PKD1: variants seen among roughly 807,000 people sequenced by gnomAD.
PKD1 encodes the protein polycystin 1, transient receptor potential channel interacting, also known as polycystin-1.
Under a neutral mutation model 361.7 loss-of-function variants are expected in PKD1, and 81 were observed. That is an observed-to-expected ratio of 0.22 (90% CI 0.19 to 0.27). The LOEUF is 0.27. PKD1 is among the 10% of genes least tolerant of loss of function. The pLI is 1.00. For synonymous variants in PKD1, 3,615 were observed against 2,818.3 expected (o/e 1.28, Z -8.95); for missense variants, 6,399 against 6,118.3 (o/e 1.05, Z -1.53).
chr16:2,094,428 G>A (rs972645356), intron 34 of PKD1, among the ~76,000 whole-genome samples: 1 of 152,174 alleles, frequency 6.6e-6, no homozygotes, highest in Non-Finnish European at 1.5e-5. Flanking sequence ...GTCCGCCTGC[G>A]TCCCTCTCCC....
Position 2,089,477 on chromosome 16 carries a change from C to T in PKD1, c.*250G>A, listed in dbSNP as rs905132047. Reference sequence around the variant, plus strand: ...AGGACTCGGGGAAATAAATTAGCATCTCAGAGGCTAGAAACCGTCCAATAC... The same window carrying T: ...AGGACTCGGGGAAATAAATTAGCATTTCAGAGGCTAGAAACCGTCCAATAC... On this transcript the variant is annotated 3_prime_UTR_variant, in exon 46 of 46. Transcript: ENST00000262304. 14 of 563,898 alleles carry T rather than the reference C, an allele frequency of 2.5e-5. No homozygotes were observed. The highest frequency in any genetic ancestry group is 5.9e-5 in the East Asian group (2 of 34,064). The allele number at this position is 563,898 out of a possible 1,614,324, so 34.9% of individuals were successfully genotyped here.
intron 11 of PKD1, 83 bp downstream of exon 11, chr16:2,114,087 A>G (rs977664413): frequency 1.7e-6 from 2 of 1,158,708 alleles, no homozygotes; most frequent in Non-Finnish European, 2.5e-6. Flanking sequence ...CCTCACTGGG[A>G]AGCCAGGCCT....
In PKD1 at chr16:2,088,741, T is replaced by G. The variant is rs970202456; in HGVS notation, c.*986A>C. ...AGACAGCTCTTTTATTGACTTTGTC[T>G]GCTTGGTGCGGGGGTTGGGGGGGTG... On this transcript the variant is annotated 3_prime_UTR_variant, in exon 46 of 46. Coordinates refer to ENST00000262304, the MANE Select transcript of PKD1 (RefSeq NM_001009944.3). 30 of 1,304,532 alleles carry G rather than the reference T, an allele frequency of 2.3e-5. No individual in the cohort carries two copies. The African/African-American group carries it at 4.3e-4, about 19-fold the overall frequency. 80.8% of individuals were successfully genotyped at this position (1,304,532 alleles called of 1,614,324 possible). A position where few individuals can be genotyped will look rare whatever the true frequency, so the allele number is the denominator to read the frequency against.
Position 2,115,511 on chromosome 16 carries a change from G to A in PKD1, c.1964C>T (p.Pro655Leu), listed in dbSNP as rs758548334. 1.3e-4 allele frequency: 207 copies of A among 1,599,100 alleles called. No homozygotes were observed. Among genetic ancestry groups the A allele is most frequent in the Non-Finnish European group, 1.6e-4 (193 of 1,173,708 alleles). Reference protein sequence around the residue: ...RWCPGANICLPLDASCHPQAC... With the variant: ...RWCPGANICLLLDASCHPQAC... ...CTGGGGGTGGCAGGAGGCGTCCAGCGGCAAGCAGATGTTGGCTCCAGGGCA... is the reference window on the plus strand; with the variant it reads ...CTGGGGGTGGCAGGAGGCGTCCAGCAGCAAGCAGATGTTGGCTCCAGGGCA... The change falls in exon 10 of 46, where the codon CCG (proline) becomes CTG (leucine). Residue 655 changes from proline (P) to leucine (L), a missense_variant. Physicochemically the swap from Pro to Leu is moderately conservative, Grantham distance 98. Transcript: ENST00000262304.
Position 2,092,465 on chromosome 16 carries a change from G to T in PKD1, c.11269+15C>A. On this transcript the variant is annotated intron_variant, in intron 39 of 45. Transcript: ENST00000262304. ...AGGAACGATTTAAGTCTTGGGGCAC[G>T]CCCTGCCAGCTCACCTTCCTGCAGC... 1.3e-6 allele frequency: 2 copies of T among 1,530,648 alleles called. No homozygotes were observed. Among genetic ancestry groups the T allele is most frequent in the Non-Finnish European group, 1.8e-6 (2 of 1,106,934 alleles). The allele number at this position is 1,530,648 out of a possible 1,614,324, so 94.8% of individuals were successfully genotyped here.
chr16:2,122,278 C>T (rs1432305014), intron 1 of PKD1, among the ~76,000 whole-genome samples: 2 of 152,216 alleles, frequency 1.3e-5, no homozygotes, highest in Non-Finnish European at 2.9e-5. Flanking sequence ...ATGGAGGGCA[C>T]GGTTGGGGGT....
In PKD1 at chr16:2,119,124, A is replaced by T; in HGVS notation, c.349T>A (p.Leu117Ile). Residue 117 changes from leucine to isoleucine, a missense_variant, in exon 3 of 46, where the codon TTA becomes ATA. Transcript: ENST00000262304. The stretch of plus-strand genomic sequence containing the variant: ...AGAACCACAACTTACATTTCACTTA[A>T]ATTAAATAAATTAGCAAATATTCCT... ...EEGIFANLFN[L>I]SEINLSGNPF... 1 of 1,242,612 alleles carries T rather than the reference A, an allele frequency of 8.0e-7. No homozygotes were observed. Among genetic ancestry groups the T allele is most frequent in the Middle Eastern group, 2.7e-4 (1 of 3,766 alleles). 77.0% of individuals were successfully genotyped at this position (1,242,612 alleles called of 1,614,324 possible). A position where few individuals can be genotyped will look rare whatever the true frequency, so the allele number is the denominator to read the frequency against.
chr16:2,091,610 T>C lies in PKD1; in HGVS notation c.11538-13A>G. On this transcript the variant is annotated splice_polypyrimidine_tract_variant and intron_variant, in intron 41 of 45. Coordinates refer to ENST00000262304, the MANE Select transcript of PKD1 (RefSeq NM_001009944.3). Reference sequence around the variant, plus strand: ...CACAGCGCGGCTCCTGCGCAGAGGGTGCGGGTCAGTAGGAGCGGGTGGCAG... The same window carrying C: ...CACAGCGCGGCTCCTGCGCAGAGGGCGCGGGTCAGTAGGAGCGGGTGGCAG... 1 of 1,560,498 alleles carries C rather than the reference T, an allele frequency of 6.4e-7. No individual in the cohort carries two copies. The highest frequency in any genetic ancestry group is 8.6e-7 in the Non-Finnish European group (1 of 1,161,400).
chr16:2,124,349 C>T (rs1245425721), intron 1 of PKD1, among the ~76,000 whole-genome samples: 1 of 152,222 alleles, frequency 6.6e-6, no homozygotes, highest in Non-Finnish European at 1.5e-5. Flanking sequence ...CAGGGGTGTT[C>T]CCAGCCAGGC....
Position 2,109,342 on chromosome 16 carries a change from C to G in PKD1, c.5825G>C (p.Arg1942Pro), listed in dbSNP as rs756147178. 1.9e-6 allele frequency: 3 copies of G among 1,590,804 alleles called. No individual in the cohort carries two copies. In the East Asian group the frequency reaches 6.7e-5, roughly 36 times the overall value. The change falls in exon 15 of 46, where the codon CGC becomes CCC. Residue 1942 changes from arginine (R) to proline (P), a missense_variant. By Grantham distance (103) the Arg-to-Pro change is moderately radical. Coordinates refer to ENST00000262304, the MANE Select transcript of PKD1 (RefSeq NM_001009944.3). ...PGPRFSHSFP[R>P]VGDHVVSVRG... ...CACGCTCACCACGTGGTCTCCGACG[C>G]GGGGGAAGCTGTGGGAGAAACGGGG...
intron 16 of PKD1, chr16:2,107,654 G>A (rs1284804680): frequency 8.1e-6 from 5 of 618,268 alleles, no homozygotes; most frequent in Middle Eastern, 4.3e-4. Context: ...CTAGGGGACT[G>A]TGTAGCTTTT....
At position 2,106,298 on chromosome 16, in the gene PKD1, T is replaced by C. The variant is rs777088612; in HGVS notation, c.7496A>G (p.His2499Arg). ...TKVHFECTGW[H>R]DAEDAGAPLV... ...CGGGGCGCCAGCATCCTCCGCGTCATGCCAGCCTGAGGGACGGTCCCCACG... is the reference window on the plus strand; with the variant it reads ...CGGGGCGCCAGCATCCTCCGCGTCACGCCAGCCTGAGGGACGGTCCCCACG... The change falls in exon 19 of 46, where the codon CAT becomes CGT. Residue 2499 changes from histidine (H) to arginine (R), a missense_variant. Transcript: ENST00000262304. This position sits in a 1 kb window ranked among gnomAD's most constrained non-coding sequence, Gnocchi z 6.5. The C allele has an allele frequency of 3.7e-6, 6 of 1,609,670 alleles. No homozygotes were observed. The African/African-American group carries it at 6.7e-5, about 18-fold the overall frequency.
intron 1 of PKD1, among the ~76,000 whole-genome samples, chr16:2,132,459 C>T (rs1047545680): frequency 2.0e-5 from 3 of 149,582 alleles, no homozygotes; most frequent in Admixed American, 1.3e-4. Context: ...ACCCAGCTAC[C>T]AGGTACTCGG....
intron 34 of PKD1, 34 bp from the exon 35 acceptor site, chr16:2,094,244 G>A (rs1296951312): frequency 1.5e-6 from 2 of 1,345,654 alleles, no homozygotes; most frequent in Non-Finnish European, 2.1e-6. Context: ...ATTCATCCCG[G>A]CCTCCAGGAG....
At chr16:2,112,644 G>A (rs895708078) in intron 13 of PKD1, 144 bp downstream of exon 13, 13 of 1,078,964 alleles carry the variant, frequency 1.2e-5, no homozygotes, top group South Asian at 2.7e-5. Flanking sequence ...CAGCCTCAGG[G>A]CTCCTGTGCA....
At chr16:2,125,550 G>T (rs1422546502) in intron 1 of PKD1, among the ~76,000 whole-genome samples, 1 of 152,228 alleles carries the variant, frequency 6.6e-6, no homozygotes, top group African/African-American at 2.4e-5. Flanking sequence ...CACAGGGATG[G>T]AGACTCCGGC....
In PKD1 at chr16:2,106,970, C is replaced by T; in HGVS notation, c.7066-22G>A. 1.3e-6 allele frequency: 2 copies of T among 1,581,018 alleles called. No homozygotes were observed. The highest frequency in any genetic ancestry group is 1.4e-5 in the African/African-American group (1 of 73,014). ...GCACCTGGCGTGGGAGTGGGGTTAC[C>T]TCCAACACAGGTCTATTTGGCCTGC... On this transcript the variant is annotated intron_variant, in intron 16 of 45. Coordinates refer to ENST00000262304, the MANE Select transcript of PKD1 (RefSeq NM_001009944.3). This position sits in a 1 kb window ranked among gnomAD's most constrained non-coding sequence, Gnocchi z 6.5.
chr16:2,094,025 G>A lies in PKD1; in HGVS notation c.10619-12C>T, dbSNP rs750912142. The A allele has an allele frequency of 4.4e-6, 7 of 1,591,440 alleles. No homozygotes were observed. The highest frequency in any genetic ancestry group is 6.0e-6 in the Non-Finnish European group (7 of 1,169,838). ...ACCCTCCACCAGTCCTGGGGAAGCA[G>A]AGACAGACCTGTGAGAGGCAGCTCA... is the stretch of plus-strand genomic sequence containing the variant. On this transcript the variant is annotated splice_polypyrimidine_tract_variant and intron_variant, in intron 35 of 45. Transcript: ENST00000262304.
intron 16 of PKD1, chr16:2,107,175 C>T (rs1596544631): frequency 6.8e-6 from 4 of 589,122 alleles, no homozygotes; most frequent in East Asian, 2.9e-5. Flanking sequence ...TTCTGGTGTA[C>T]TGGACCCAGC....
Sources: allele counts gnomAD v4.1 joint callset (sites outside exome capture counted in the v4.1 genomes callset), GRCh38; gene constraint gnomAD v4.1.1; non-coding constraint Gnocchi (gnomAD v3.1); transcripts MANE v1.5; gene names NCBI Gene and HGNC (gene_info 2026-07-23, HGNC 2026-07-21).